Variants in WDPCP observed in about 807,000 individuals in gnomAD.
WDPCP encodes the protein WD repeat containing planar cell polarity effector.
In WDPCP, 71 loss-of-function variants were observed where a neutral mutation model predicts 93.1. That is an observed-to-expected ratio of 0.76 (90% CI 0.63 to 0.93). The LOEUF (loss-of-function observed/expected upper bound fraction) is 0.93. Among genes scored for constraint, WDPCP ranks in the 40% least tolerant of loss-of-function variants. The probability of loss-of-function intolerance (pLI) is 0.00; values close to 1 mark genes in which losing one functional copy is unlikely to be tolerated. For missense variants in WDPCP, 844 were observed against 887.4 expected (o/e 0.95, Z 0.62); for synonymous variants, 315 against 315.0 (o/e 1.00, Z 0.00).
chr2:63,794,388 A>G (rs1005370753), intron 2 of WDPCP, among the ~76,000 whole-genome samples: 1 of 152,236 alleles, frequency 6.6e-6, no homozygotes, highest in Admixed American at 6.5e-5. Context: ...CAAGTAGCAC[A>G]TGGCATTCCC....
At chr2:63,137,094 A>AAAT (rs1293648202) in intron 17 of WDPCP, among the ~76,000 whole-genome samples, 1 of 152,210 alleles carries the variant, frequency 6.6e-6, no homozygotes. Flanking sequence ...TTGCTGGGTC[A>AAAT]AATGGCATTT....
At chr2:63,290,891 T>C (rs983006674) in intron 13 of WDPCP, among the ~76,000 whole-genome samples, 3 of 152,194 alleles carry the variant, frequency 2.0e-5, no homozygotes, top group African/African-American at 7.2e-5. Flanking sequence ...GTAATTTGTC[T>C]ATGCTGTGCC....
intron 13 of WDPCP, among the ~76,000 whole-genome samples, chr2:63,283,515 C>T (rs1683733618): frequency 6.6e-6 from 1 of 152,162 alleles, no homozygotes; most frequent in Admixed American, 6.5e-5. Flanking sequence ...TATTTGTTTA[C>T]ATATTGCCGA....
At chr2:63,543,172 C>G (rs1704872782) in intron 1 of WDPCP, among the ~76,000 whole-genome samples, 1 of 152,074 alleles carries the variant, frequency 6.6e-6, no homozygotes, top group South Asian at 2.1e-4. Context: ...TATATTGTTT[C>G]ACTACATTAG....
intron 12 of WDPCP, among the ~76,000 whole-genome samples, chr2:63,364,458 C>A (rs1690737548): frequency 6.6e-6 from 1 of 152,144 alleles, no homozygotes; most frequent in Non-Finnish European, 1.5e-5. Context: ...TTGCCTTAAT[C>A]TGTCTTTCAT....
At chr2:63,609,972 T>C (rs1262708557) in intron 3 of WDPCP, among the ~76,000 whole-genome samples, 3 of 152,204 alleles carry the variant, frequency 2.0e-5, no homozygotes, top group Non-Finnish European at 4.4e-5. Context: ...TTCACCAACT[T>C]TGCCTTTGAA....
chr2:63,146,406 GTTTT>G (rs33976806), intron 17 of WDPCP, among the ~76,000 whole-genome samples: 1 of 130,416 alleles, frequency 7.7e-6, no homozygotes, highest in Non-Finnish European at 1.6e-5. Flanking sequence ...TTGAGAGCGT[GTTTT>G]TTTTTTTTTT....
intron 3 of WDPCP, among the ~76,000 whole-genome samples, chr2:63,621,342 G>A (rs1005576144): frequency 2.6e-5 from 4 of 151,708 alleles, no homozygotes; most frequent in Non-Finnish European, 5.9e-5. Flanking sequence ...ATGACATGAT[G>A]GAGCTGAAAA....
chr2:63,495,487 G>T (rs1327965160), intron 1 of WDPCP, among the ~76,000 whole-genome samples: 1 of 152,136 alleles, frequency 6.6e-6, no homozygotes, highest in Non-Finnish European at 1.5e-5. Flanking sequence ...CTTTTCATAT[G>T]GAAATGTGAG....
intron 14 of WDPCP, among the ~76,000 whole-genome samples, chr2:63,224,239 C>T (rs1265487944): frequency 1.3e-5 from 2 of 151,618 alleles, no homozygotes; most frequent in Non-Finnish European, 1.5e-5. Flanking sequence ...ATCTAGCACA[C>T]TCATGACATA....
At position 63,183,216 on chromosome 2, in the gene WDPCP, G is replaced by A. The variant is rs186901147; in HGVS notation, c.1916-8384C>T. On this transcript the variant is annotated intron_variant, in intron 14 of 17. Transcript: ENST00000272321. ...TTTTTTTTCTAGTTCCTTGAGGTGT[G>A]ATGTTAGGTTGTTAATTTGATTTTT... Among the ~76,000 whole-genome samples the A allele has an allele frequency of 2.4e-3, 359 of 151,886 alleles. 1 individual carries two copies. The highest frequency in any genetic ancestry group is 3.9e-3 in the Admixed American group (60 of 15,254).
intron 2 of WDPCP, among the ~76,000 whole-genome samples, chr2:63,771,574 G>A (rs1268841357): frequency 1.3e-5 from 2 of 151,706 alleles, no homozygotes; most frequent in African/African-American, 2.4e-5. Context: ...TTAGATTCAG[G>A]GAGTACATGT....
At chr2:63,148,433 G>T (rs1057378648) in intron 17 of WDPCP, among the ~76,000 whole-genome samples, 33 of 152,180 alleles carry the variant, frequency 2.2e-4, no homozygotes, top group Non-Finnish European at 4.6e-4. Context: ...TCTGCCTCCT[G>T]GGTTGAAACG....
At chr2:63,724,663 C>A (rs1490141768) in intron 2 of WDPCP, among the ~76,000 whole-genome samples, 1 of 152,120 alleles carries the variant, frequency 6.6e-6, no homozygotes, top group Non-Finnish European at 1.5e-5. Flanking sequence ...GTGGGTCAAA[C>A]CTTTTAACAG....
At chr2:63,308,335 C>T (rs1207449954) in intron 13 of WDPCP, among the ~76,000 whole-genome samples, 1 of 152,186 alleles carries the variant, frequency 6.6e-6, no homozygotes, top group Non-Finnish European at 1.5e-5. Flanking sequence ...GACAGTGTGG[C>T]AATTCCTCAG....
chr2:63,764,723 G>A (rs1479687366), intron 2 of WDPCP, among the ~76,000 whole-genome samples: 1 of 152,140 alleles, frequency 6.6e-6, no homozygotes, highest in Non-Finnish European at 1.5e-5. Flanking sequence ...TTATTTAGGG[G>A]ATGGACCGAG....
At chr2:63,435,862 A>C (rs1234968613) in intron 8 of WDPCP, among the ~76,000 whole-genome samples, 6 of 152,108 alleles carry the variant, frequency 3.9e-5, no homozygotes, top group Admixed American at 3.9e-4. Flanking sequence ...TGGAGTGCCA[A>C]TGTTCCTATT....
At chr2:63,343,377 A>C (rs550882574) in intron 12 of WDPCP, among the ~76,000 whole-genome samples, 1 of 152,204 alleles carries the variant, frequency 6.6e-6, no homozygotes, top group South Asian at 2.1e-4. Flanking sequence ...ATCTGTTAAC[A>C]TACTGAGGAT....
chr2:63,622,370 G>A lies in WDPCP; in HGVS notation n.488+28289C>T, dbSNP rs188126201. Reference sequence around the variant, plus strand: ...CAAAACCCTTCATAGTCTTGGTCACGTTGCTTTTGAACTGGGCAAGACCAA... The same window carrying A: ...CAAAACCCTTCATAGTCTTGGTCACATTGCTTTTGAACTGGGCAAGACCAA... On this transcript the variant is annotated intron_variant and non_coding_transcript_variant, in intron 3 of 4. Transcript: ENST00000467687. 57 of 1,604,872 alleles carry A rather than the reference G, an allele frequency of 3.6e-5. No individual in the cohort carries two copies. In the Admixed American group the frequency reaches 9.0e-4, roughly 25 times the overall value.
Sources: gnomAD v4.1 joint callset for allele counts (sites outside exome capture counted in the v4.1 genomes callset) on GRCh38, gnomAD v4.1.1 for gene constraint, MANE v1.5 for transcripts, NCBI Gene and HGNC (gene_info 2026-07-23, HGNC 2026-07-21) for gene names.